The following CSMD1 variants were observed in gnomAD, a reference collection of about 807,000 sequenced individuals.
The protein encoded by CSMD1 is CUB and Sushi multiple domains 1.
Under a neutral mutation model 417.5 loss-of-function variants are expected in CSMD1, and 213 were observed. The observed-to-expected ratio is 0.51, with a 90% CI of 0.46 to 0.57. The LOEUF (loss-of-function observed/expected upper bound fraction) is 0.57, where lower values mean the gene tolerates loss of function less well. Among genes scored for constraint, CSMD1 ranks in the 20% least tolerant of loss-of-function variants. The probability of loss-of-function intolerance (pLI) is 0.00; values close to 1 mark genes in which losing one functional copy is unlikely to be tolerated. For synonymous variants in CSMD1, 2,862 were observed against 1,736.8 expected, an observed-to-expected ratio of 1.65 and a Z score of -16.11; for missense variants, 6,923 against 4,529.7, an observed-to-expected ratio of 1.53 and a Z score of -15.17.
chr8:3,557,266 T>G (rs1328968462), intron 10 of CSMD1, among the ~76,000 whole-genome samples: 1 of 152,200 alleles, frequency 6.6e-6, no homozygotes, highest in Non-Finnish European at 1.5e-5. Flanking sequence ...ATTTGTGGGA[T>G]TCGTGGCTTG....
intron 3 of CSMD1, among the ~76,000 whole-genome samples, chr8:4,303,090 T>C (rs758676745): frequency 3.3e-5 from 5 of 152,224 alleles, no homozygotes; most frequent in African/African-American, 9.6e-5. Context: ...CAGACAATTT[T>C]TGAGTAATTT....
At chr8:2,974,263 C>A (rs145986882) in intron 56 of CSMD1, among the ~76,000 whole-genome samples, 188 bp downstream of exon 56, 1 of 152,172 alleles carries the variant, frequency 6.6e-6, no homozygotes, top group Admixed American at 6.5e-5. Flanking sequence ...TGGTGTCTAA[C>A]GATTATTGCG....
chr8:3,968,051 G>C (rs959745426), intron 5 of CSMD1, among the ~76,000 whole-genome samples: 2 of 148,728 alleles, frequency 1.3e-5, no homozygotes, highest in Non-Finnish European at 3.0e-5. Flanking sequence ...GCCGGGAGTG[G>C]TGGCGGGCGC....
intron 2 of CSMD1, among the ~76,000 whole-genome samples, chr8:4,486,134 TATACATACATATATATATATATACATAC>T (rs1801372187): frequency 6.5e-5 from 2 of 30,938 alleles, no homozygotes; most frequent in African/African-American, 2.7e-4. Flanking sequence ...TATATATATA[TATACATACATATATATATATATACATAC>T]ATATATATAT....
intron 1 of CSMD1, among the ~76,000 whole-genome samples, chr8:4,939,641 G>T (rs558229935): frequency 6.6e-6 from 1 of 152,292 alleles, no homozygotes; most frequent in South Asian, 2.1e-4. Flanking sequence ...AAGGGCTGGG[G>T]GTGAGTGGGA....
intron 1 of CSMD1, among the ~76,000 whole-genome samples, chr8:4,819,769 C>G (rs1211956601): frequency 1.3e-5 from 2 of 151,982 alleles, no homozygotes. Flanking sequence ...GGCTGCTTTT[C>G]CATGAAACAG....
intron 3 of CSMD1, among the ~76,000 whole-genome samples, chr8:4,192,792 C>G (rs917491831): frequency 1.3e-5 from 2 of 152,186 alleles, no homozygotes; most frequent in African/African-American, 2.4e-5. Context: ...GTTTCAGGCT[C>G]AAACACAACC....
At chr8:4,041,560 T>C (rs1797896303) in intron 3 of CSMD1, among the ~76,000 whole-genome samples, 3 of 152,134 alleles carry the variant, frequency 2.0e-5, no homozygotes, top group Admixed American at 2.0e-4. Context: ...ATTCAGCACC[T>C]GTCAAAGTGA....
intron 1 of CSMD1, among the ~76,000 whole-genome samples, chr8:4,840,454 C>T (rs768136897): frequency 6.6e-6 from 1 of 152,234 alleles, no homozygotes; most frequent in African/African-American, 2.4e-5. Context: ...GTTCTGAAAA[C>T]ATACGATATA....
chr8:3,044,217 T>C (rs1475165069), intron 50 of CSMD1, among the ~76,000 whole-genome samples: 1 of 152,242 alleles, frequency 6.6e-6, no homozygotes, highest in Non-Finnish European at 1.5e-5. Flanking sequence ...GTCCTTCATA[T>C]GTGAAGCTGA....
At chr8:4,701,630 T>C (rs1263380533) in intron 1 of CSMD1, among the ~76,000 whole-genome samples, 2 of 152,092 alleles carry the variant, frequency 1.3e-5, no homozygotes, top group East Asian at 3.9e-4. Context: ...GTTGACAGTA[T>C]ACAGGAGTTT....
Position 3,000,555 on chromosome 8 carries a change from A to G in CSMD1, c.8030-424T>C, listed in dbSNP as rs141547313. Among the ~76,000 whole-genome samples the G allele has an allele frequency of 1.5e-3, 222 of 152,328 alleles. 2 individuals are homozygous for G. The highest frequency in any genetic ancestry group is 5.1e-3 in the African/African-American group (210 of 41,574). ...ATCGGTGAGGGGGGCTTCCAGTCAG[A>G]TAGACTAGATAATCAAATTACCTGT... On this transcript the variant is annotated intron_variant, in intron 52 of 69. Transcript: ENST00000635120.
At chr8:4,173,468 G>T (rs1714754) in intron 3 of CSMD1, among the ~76,000 whole-genome samples, 2 of 151,948 alleles carry the variant, frequency 1.3e-5, no homozygotes, top group African/African-American at 4.8e-5. Flanking sequence ...AGAAGAGATA[G>T]TAAGTTGGAT....
At chr8:3,683,134 C>T (rs1374933201) in intron 7 of CSMD1, among the ~76,000 whole-genome samples, 1 of 151,926 alleles carries the variant, frequency 6.6e-6, no homozygotes, top group Non-Finnish European at 1.5e-5. Flanking sequence ...CAACATGGCA[C>T]ATGTATACAT....
intron 18 of CSMD1, among the ~76,000 whole-genome samples, chr8:3,385,334 T>C (rs79682343): frequency 1.3e-5 from 1 of 75,528 alleles, no homozygotes; most frequent in Admixed American, 1.4e-4. Flanking sequence ...TCCTGGATAA[T>C]TTTTTTGTGT....
rs368965062 is a variant in CSMD1, at chr8:4,270,057, T to C, written c.415+149896A>G. The stretch of plus-strand genomic sequence containing the variant: ...TTGTTTTATGATTAATGATGAAATA[T>C]TGAAAAGCTTCTGAGGAGAGAAACA... On this transcript the variant is annotated intron_variant, in intron 3 of 69. Transcript: ENST00000635120. Among the ~76,000 whole-genome samples, 24 of 152,312 alleles carry C rather than the reference T, an allele frequency of 1.6e-4. No individual in the cohort carries two copies. In the East Asian group the frequency reaches 1.9e-3, roughly 12 times the overall value.
At position 3,796,162 on chromosome 8, in the gene CSMD1, C is replaced by G. The variant is rs866388204; in HGVS notation, c.819-42120G>C. On this transcript the variant is annotated intron_variant, in intron 5 of 69. Transcript: ENST00000635120. ...ATCATAGATATAGATATATATCTAT[C>G]ATAGATATAGATATATATCTATCAT... Among the ~76,000 whole-genome samples the G allele has an allele frequency of 7.7e-4, 7 of 9,036 alleles. 1 individual carries two copies. Among genetic ancestry groups the G allele is most frequent in the East Asian group, 2.5e-3 (1 of 408 alleles). The allele number at this position is 9,036 out of a possible 152,430, so 5.9% of individuals were successfully genotyped here.
At chr8:3,016,821 A>G (rs1808873810) in intron 52 of CSMD1, among the ~76,000 whole-genome samples, 1 of 152,164 alleles carries the variant, frequency 6.6e-6, no homozygotes, top group South Asian at 2.1e-4. Context: ...AGCTGCTAAG[A>G]TGTATTGCAT....
At chr8:3,290,180 G>A (rs376892156) in intron 25 of CSMD1, among the ~76,000 whole-genome samples, 2 of 147,000 alleles carry the variant, frequency 1.4e-5, no homozygotes, top group Admixed American at 6.7e-5. Context: ...TGTTCCATTG[G>A]TCTCTATCTC....
Sources: gnomAD v4.1 joint callset for allele counts (sites outside exome capture counted in the v4.1 genomes callset) on GRCh38, gnomAD v4.1.1 for gene constraint, MANE v1.5 for transcripts, NCBI Gene and HGNC (gene_info 2026-07-23, HGNC 2026-07-21) for gene names.